Variants in CACNA1G observed in about 807,000 individuals in gnomAD.
CACNA1G encodes the protein voltage-dependent T-type calcium channel subunit alpha-1G.
A neutral mutation model predicts 219.4 loss-of-function variants in CACNA1G; 67 were observed. The observed-to-expected ratio is 0.31, with a 90% CI of 0.25 to 0.37. CACNA1G has a LOEUF of 0.37. Among genes scored for constraint, CACNA1G ranks in the 10% least tolerant of loss-of-function variants. The pLI is 1.00. For missense variants in CACNA1G, 2,380 were observed against 3,231.4 expected, an observed-to-expected ratio of 0.74 and a Z score of 6.39; for synonymous variants, 1,296 against 1,345.3, an observed-to-expected ratio of 0.96 and a Z score of 0.80.
At position 50,603,714 on chromosome 17, in the gene CACNA1G, A is replaced by ATT. The variant is rs113689848; in HGVS notation, c.4170-430_4170-429dup. Among the ~76,000 whole-genome samples, 354 of 142,530 alleles carry ATT rather than the reference A, an allele frequency of 2.5e-3. 2 individuals are homozygous for ATT. Among genetic ancestry groups the ATT allele is most frequent in the African/African-American group, 8.6e-3 (332 of 38,592 alleles). The allele number at this position is 142,530 out of a possible 152,430, so 93.5% of individuals were successfully genotyped here. Reference sequence around the variant, plus strand: ...CAGCCAGTCACCACCCCCAACTCAGATTTTTTTTTTTTAATAGGGATGATG... The same window carrying ATT: ...CAGCCAGTCACCACCCCCAACTCAGATTTTTTTTTTTTTTAATAGGGATGATG... On this transcript the variant is annotated intron_variant, in intron 21 of 37. Coordinates refer to ENST00000359106, the MANE Select transcript of CACNA1G (RefSeq NM_018896.5). The surrounding 1 kb of genome is among the most constrained non-coding windows in gnomAD (Gnocchi z 6.4).
rs1271679984 is a variant in CACNA1G, at chr17:50,618,348, GGGCCCAGGGTTGGCCTA to G, written c.5427+9_5427+25del. The stretch of plus-strand genomic sequence containing the variant: ...AATTGGAATGGCATTATGAAGGTAA[GGGCCCAGGGTTGGCCTA>G]GGCTCCAGGGAGGCAGCCCCACTTC... On this transcript the variant is annotated splice_donor_region_variant and intron_variant, in intron 32 of 37. Transcript: ENST00000359106. The surrounding 1 kb of genome is among the most constrained non-coding windows in gnomAD (Gnocchi z 5.3). The G allele has an allele frequency of 5.0e-6, 8 of 1,613,260 alleles. No individual in the cohort carries two copies. Among genetic ancestry groups the G allele is most frequent in the Non-Finnish European group, 6.8e-6 (8 of 1,179,420 alleles).
intron 7 of CACNA1G, 100 bp from the exon 8 acceptor site, chr17:50,575,443 G>A: frequency 1.7e-6 from 2 of 1,176,228 alleles, no homozygotes; most frequent in Non-Finnish European, 2.4e-6. Context: ...AAATAACTGA[G>A]CGTGGCGCTT....
chr17:50,623,174 T>C (rs1308711442), intron 35 of CACNA1G, among the ~76,000 whole-genome samples: 4 of 143,796 alleles, frequency 2.8e-5, no homozygotes, highest in African/African-American at 1.0e-4. Context: ...CAGCTCACTA[T>C]AGCTTTGACC....
intron 18 of CACNA1G, 34 bp from the exon 19 acceptor site, chr17:50,601,017 C>A (rs369969761): frequency 2.8e-5 from 45 of 1,607,630 alleles, no homozygotes; most frequent in Middle Eastern, 1.7e-4. Context: ...TGCCCTGCCT[C>A]CCCCTCTCAG....
intron 34 of CACNA1G, among the ~76,000 whole-genome samples, chr17:50,620,881 G>C (rs954679933): frequency 6.6e-6 from 1 of 152,244 alleles, no homozygotes; most frequent in African/African-American, 2.4e-5. Context: ...TGTGGGAGAA[G>C]AGGACACGAT....
chr17:50,625,369 C>A (rs922758189), intron 37 of CACNA1G, among the ~76,000 whole-genome samples: 1 of 152,338 alleles, frequency 6.6e-6, no homozygotes, highest in South Asian at 2.1e-4. Flanking sequence ...AGTCCTTATT[C>A]ATTCTGCAAA....
chr17:50,625,781 C>T (rs2053632214), intron 37 of CACNA1G, among the ~76,000 whole-genome samples: 1 of 152,062 alleles, frequency 6.6e-6, no homozygotes. Context: ...TTAGGGGAGA[C>T]CAGAGCATGG....
At chr17:50,580,968 G>T (rs1020096264) in intron 9 of CACNA1G, among the ~76,000 whole-genome samples, 1 of 152,034 alleles carries the variant, frequency 6.6e-6, no homozygotes, top group Non-Finnish European at 1.5e-5. Context: ...AAGGAGATGT[G>T]GGGGGCTGAG....
chr17:50,561,328 G>C lies in CACNA1G; in HGVS notation c.-132G>C, dbSNP rs920011126. ...GGAGCTGGGCTGAACTGGCCCTCCC[G>C]GGGGCTCAGCTTGCGCCCTAGAGCC... On this transcript the variant is annotated 5_prime_UTR_variant, in exon 1 of 38. Transcript: ENST00000359106. 7.1e-5 allele frequency: 83 copies of C among 1,163,048 alleles called. 1 individual carries two copies. The East Asian group carries it at 2.1e-3, about 29-fold the overall frequency. 72.0% of individuals were successfully genotyped at this position (1,163,048 alleles called of 1,614,324 possible). A position where few individuals can be genotyped will look rare whatever the true frequency, so the allele number is the denominator to read the frequency against.
At chr17:50,615,103 C>T (rs906031608) in intron 26 of CACNA1G, among the ~76,000 whole-genome samples, 2 of 152,150 alleles carry the variant, frequency 1.3e-5, no homozygotes, top group African/African-American at 2.4e-5. Context: ...GCTCACCTGG[C>T]GTCTAATGTA....
At chr17:50,569,941 G>T (rs753928924) in intron 4 of CACNA1G, 138 bp downstream of exon 4, 57 of 642,554 alleles carry the variant, frequency 8.9e-5, no homozygotes, top group Admixed American at 1.5e-4. Flanking sequence ...GGGGAGCTGG[G>T]ATTGCTGGAA....
intron 35 of CACNA1G, among the ~76,000 whole-genome samples, chr17:50,623,183 C>T (rs2052608517): frequency 6.8e-6 from 1 of 147,126 alleles, no homozygotes; most frequent in Admixed American, 6.8e-5. Context: ...ATAGCTTTGA[C>T]CCCCCCGGCT....
intron 13 of CACNA1G, among the ~76,000 whole-genome samples, chr17:50,593,730 C>T (rs1485992691): frequency 2.0e-5 from 3 of 152,200 alleles, no homozygotes; most frequent in African/African-American, 4.8e-5. Flanking sequence ...ACTCAGGATG[C>T]GGTGTCTTGG....
chr17:50,572,545 A>G lies in CACNA1G; in HGVS notation c.747-9A>G. 6.6e-7 allele frequency: 1 copy of G among 1,521,084 alleles called. No homozygotes were observed. The highest frequency in any genetic ancestry group is 8.8e-7 in the Non-Finnish European group (1 of 1,131,876). 94.2% of individuals were successfully genotyped at this position (1,521,084 alleles called of 1,614,324 possible). The stretch of plus-strand genomic sequence containing the variant: ...CAGTCTCACCCCTGTTCCCCTTCCC[A>G]TCCTGCAGCCCCCTGAGCGTGGACC... On this transcript the variant is annotated splice_polypyrimidine_tract_variant and intron_variant, in intron 5 of 37. Transcript: ENST00000359106.
intron 13 of CACNA1G, among the ~76,000 whole-genome samples, chr17:50,594,036 A>G (rs1178676091): frequency 2.0e-5 from 3 of 152,230 alleles, no homozygotes; most frequent in South Asian, 2.1e-4. Flanking sequence ...ATTTTGACAA[A>G]TAAGACAACC....
chr17:50,604,144 C>G lies in CACNA1G; in HGVS notation c.4170-11C>G. On this transcript the variant is annotated splice_polypyrimidine_tract_variant and intron_variant, in intron 21 of 37. Transcript: ENST00000359106. ...GGGAAGCCTTATCACCTCCCTCCCT[C>G]CCCTCCCCAGGGTGATCAGCCGGGC... 1 of 1,611,584 alleles carries G rather than the reference C, an allele frequency of 6.2e-7. No homozygotes were observed. Among genetic ancestry groups the G allele is most frequent in the Non-Finnish European group, 8.5e-7 (1 of 1,178,408 alleles).
At chr17:50,623,811 CG>C (rs1051707820) in intron 35 of CACNA1G, 95 bp from the exon 36 acceptor site, 4 of 1,309,474 alleles carry the variant, frequency 3.1e-6, no homozygotes, top group African/African-American at 2.9e-5. Flanking sequence ...GAGGGCTGGG[CG>C]GGGGGCGCTG....
Position 50,575,618 on chromosome 17 carries a change from A to G in CACNA1G, c.1216A>G (p.Ser406Gly). ...TQFSETKQRE[S>G]QLMREQRVRF... The stretch of plus-strand genomic sequence containing the variant: ...GTTCTCAGAGACCAAGCAGCGGGAA[A>G]GCCAGCTGATGCGGGAGCAGCGTGT... The change falls in exon 8 of 38, where the codon AGC (serine) becomes GGC (glycine). Residue 406 changes from serine (S) to glycine (G), a missense_variant. Ser to Gly is a moderately conservative substitution (Grantham distance 56). Coordinates refer to ENST00000359106, the MANE Select transcript of CACNA1G (RefSeq NM_018896.5). 6.2e-7 allele frequency: 1 copy of G among 1,613,758 alleles called. No individual in the cohort carries two copies. Among genetic ancestry groups the G allele is most frequent in the Non-Finnish European group, 8.5e-7 (1 of 1,179,870 alleles).
In CACNA1G at chr17:50,604,275, G is replaced by C; in HGVS notation, c.4290G>C (p.Gly1430=). 6.2e-7 allele frequency: 1 copy of C among 1,613,474 alleles called. No homozygotes were observed. Among genetic ancestry groups the C allele is most frequent in the Non-Finnish European group, 8.5e-7 (1 of 1,179,476 alleles). ...CAFFIIFGIL[G]VQLFKGKFFV... ...TCTTCATCATTTTCGGCATCTTGGG[G>C]GTGCAGGTGTGTGGGGTTCTGGGGG... The change falls in exon 22 of 38, where the codon GGG becomes GGC. Residue 1430 remains glycine, a synonymous_variant. Coordinates refer to ENST00000359106, the MANE Select transcript of CACNA1G (RefSeq NM_018896.5).
Sources: allele counts gnomAD v4.1 joint callset (sites outside exome capture counted in the v4.1 genomes callset), GRCh38; gene constraint gnomAD v4.1.1; non-coding constraint Gnocchi (gnomAD v3.1); transcripts MANE v1.5; gene names NCBI Gene and HGNC (gene_info 2026-07-23, HGNC 2026-07-21).